The following CTNND2 variants were observed in gnomAD, a reference collection of about 807,000 sequenced individuals.
CTNND2 encodes catenin delta-2.
A neutral mutation model predicts 144.4 loss-of-function variants in CTNND2; 22 were observed. The observed-to-expected ratio is 0.15, with a 90% confidence interval of 0.11 to 0.22. The LOEUF (loss-of-function observed/expected upper bound fraction) is 0.22, where lower values mean the gene tolerates loss of function less well. CTNND2 is among the 10% of genes least tolerant of loss of function. CTNND2 has a pLI of 1.00. For missense variants in CTNND2, 1,353 were observed against 1,618.8 expected (o/e 0.84, Z 2.82); for synonymous variants, 751 against 695.6 (o/e 1.08, Z -1.25).
At chr5:11,547,012 C>A (rs1581465081) in intron 3 of CTNND2, among the ~76,000 whole-genome samples, 1 of 152,058 alleles carries the variant, frequency 6.6e-6, no homozygotes, top group South Asian at 2.1e-4. Flanking sequence ...GTGGCTCAAA[C>A]CTGTACAGCA....
chr5:11,608,411 G>A, intron 2 of CTNND2, among the ~76,000 whole-genome samples: 1 of 151,926 alleles, frequency 6.6e-6, no homozygotes, highest in East Asian at 1.9e-4. Context: ...ATAAAATCTG[G>A]CATTTCTCCC....
chr5:11,096,249 G>A (rs577069910), intron 15 of CTNND2, among the ~76,000 whole-genome samples: 7 of 152,186 alleles, frequency 4.6e-5, no homozygotes, highest in African/African-American at 1.7e-4. Flanking sequence ...CACATACCAT[G>A]GTGGTTTGCT....
intron 2 of CTNND2, among the ~76,000 whole-genome samples, chr5:11,672,960 T>C (rs143708975): frequency 0.011 from 1,690 of 152,258 alleles, 30 homozygotes; most frequent in African/African-American, 0.039. Flanking sequence ...CACAATGAGA[T>C]GAACCAGGTA....
intron 2 of CTNND2, among the ~76,000 whole-genome samples, chr5:11,653,070 CGTGTGTGT>C (rs58056553): frequency 0.024 from 3,381 of 143,536 alleles, 83 homozygotes; most frequent in East Asian, 0.066. Flanking sequence ...GAACAAAATT[CGTGTGTGT>C]GTGTGTGTGT....
chr5:11,090,448 G>A (rs1291667962), intron 15 of CTNND2, among the ~76,000 whole-genome samples: 1 of 152,240 alleles, frequency 6.6e-6, no homozygotes, highest in Non-Finnish European at 1.5e-5. Context: ...GGGCCGTACA[G>A]CAGGAGTTGA....
chr5:11,094,080 T>A (rs187583874), intron 15 of CTNND2, among the ~76,000 whole-genome samples: 5 of 152,338 alleles, frequency 3.3e-5, no homozygotes, highest in Admixed American at 1.3e-4. Context: ...TATATATGTA[T>A]GTACATATTT....
chr5:11,564,741 T>G (rs535934816), intron 3 of CTNND2, among the ~76,000 whole-genome samples: 8 of 152,226 alleles, frequency 5.3e-5, no homozygotes, highest in Non-Finnish European at 1.2e-4. Context: ...AGGGCAGGCA[T>G]TAATTTTGTT....
intron 2 of CTNND2, among the ~76,000 whole-genome samples, chr5:11,631,162 T>A (rs1010183039): frequency 2.0e-5 from 3 of 152,316 alleles, no homozygotes; most frequent in Admixed American, 2.0e-4. Context: ...CATTAAGATA[T>A]TCTCCAATAT....
chr5:11,875,440 T>C (rs1447967421), intron 1 of CTNND2, among the ~76,000 whole-genome samples: 2 of 152,214 alleles, frequency 1.3e-5, no homozygotes, highest in Non-Finnish European at 2.9e-5. Flanking sequence ...TTAATGAATA[T>C]AATGGACTGA....
At chr5:11,600,657 G>A (rs1779740565) in intron 2 of CTNND2, among the ~76,000 whole-genome samples, 2 of 126,796 alleles carry the variant, frequency 1.6e-5, no homozygotes, top group Non-Finnish European at 3.1e-5. Flanking sequence ...AATAAGCCAA[G>A]ATCACACCAA....
intron 2 of CTNND2, among the ~76,000 whole-genome samples, chr5:11,692,775 T>C (rs1456398346): frequency 6.6e-6 from 1 of 152,246 alleles, no homozygotes; most frequent in Non-Finnish European, 1.5e-5. Context: ...CTAATTTTTA[T>C]ATTTTTAGTA....
chr5:11,221,147 CT>C (rs1680224833), intron 10 of CTNND2, among the ~76,000 whole-genome samples: 2 of 152,118 alleles, frequency 1.3e-5, no homozygotes, highest in African/African-American at 2.4e-5. Context: ...GCACCTATAG[CT>C]TTTCTTGAAA....
chr5:11,388,340 C>T lies in CTNND2; in HGVS notation c.613-3111G>A, dbSNP rs778234804. On this transcript the variant is annotated intron_variant, in intron 6 of 21. Transcript: ENST00000304623. Reference sequence around the variant, plus strand: ...TACAACGTAGAGAATGTTCTCAATCCGTACTGCTCAATATGGCACCGCTGA... The same window carrying T: ...TACAACGTAGAGAATGTTCTCAATCTGTACTGCTCAATATGGCACCGCTGA... 4.6e-5 allele frequency among the ~76,000 whole-genome samples: 7 copies of T among 152,290 alleles called. No individual in the cohort carries two copies. The South Asian group carries it at 1.0e-3, about 23-fold the overall frequency.
chr5:10,982,280 T>C (rs1737379607), intron 20 of CTNND2, among the ~76,000 whole-genome samples: 1 of 152,234 alleles, frequency 6.6e-6, no homozygotes, highest in Non-Finnish European at 1.5e-5. Flanking sequence ...AAGTGCTTGA[T>C]CATCTTTCAG....
intron 2 of CTNND2, among the ~76,000 whole-genome samples, chr5:11,568,282 T>A (rs1777282352): frequency 6.6e-6 from 1 of 152,204 alleles, no homozygotes; most frequent in African/African-American, 2.4e-5. Context: ...TTTGGACCCA[T>A]GAACTCCCTG....
intron 16 of CTNND2, among the ~76,000 whole-genome samples, chr5:11,037,669 C>T (rs1744236988): frequency 6.6e-6 from 1 of 152,184 alleles, no homozygotes; most frequent in African/African-American, 2.4e-5. Context: ...TTATAGAAGC[C>T]TTCTGTCTAT....
intron 2 of CTNND2, among the ~76,000 whole-genome samples, chr5:11,650,002 G>T (rs1480119609): frequency 2.0e-5 from 3 of 152,088 alleles, no homozygotes; most frequent in Non-Finnish European, 4.4e-5. Context: ...TAGTATTTTT[G>T]TTATACACTC....
In CTNND2 at chr5:11,512,125, C is replaced by A. The variant is rs116896566; in HGVS notation, c.287+52819G>T. On this transcript the variant is annotated intron_variant, in intron 3 of 21. Transcript: ENST00000304623. ...TATAGCTTCTTGGGCATATGACCTA[C>A]GCAGTCTCATTGGGCCCCACACTGA... Among the ~76,000 whole-genome samples the A allele has an allele frequency of 1.1e-3, 175 of 152,294 alleles. 3 individuals carry two copies. In the East Asian group the frequency reaches 0.031, roughly 27 times the overall value.
At chr5:11,018,760 G>C (rs1002129262) in intron 17 of CTNND2, among the ~76,000 whole-genome samples, 1 of 149,780 alleles carries the variant, frequency 6.7e-6, no homozygotes, top group African/African-American at 2.5e-5. Context: ...GCCTAGGCTG[G>C]AGTGCAGTGG....
Sources: allele counts gnomAD v4.1 joint callset (sites outside exome capture counted in the v4.1 genomes callset), GRCh38; gene constraint gnomAD v4.1.1; transcripts MANE v1.5; gene names NCBI Gene and HGNC (gene_info 2026-07-23, HGNC 2026-07-21).